UST: variants seen among roughly 807,000 people sequenced by gnomAD.
The protein encoded by UST is uronyl 2-sulfotransferase.
In UST, 21 loss-of-function variants were observed where a neutral mutation model predicts 45.6. The observed-to-expected ratio is 0.46, with a 90% CI of 0.33 to 0.66. UST has a LOEUF of 0.66. Among genes scored for constraint, UST ranks in the 30% least tolerant of loss-of-function variants. The pLI is 0.02. For missense variants in UST, 463 were observed against 512.4 expected (o/e 0.90, Z 0.93); for synonymous variants, 215 against 200.6 (o/e 1.07, Z -0.61).
At chr6:148,951,861 T>A (rs1423500289) in intron 3 of UST, among the ~76,000 whole-genome samples, 7 of 152,258 alleles carry the variant, frequency 4.6e-5, no homozygotes, top group Admixed American at 2.6e-4. Flanking sequence ...AATCCATTTT[T>A]TTCCTCCTGA....
intron 1 of UST, among the ~76,000 whole-genome samples, chr6:148,883,707 A>G (rs573218152): frequency 5.3e-5 from 8 of 152,344 alleles, no homozygotes; most frequent in Non-Finnish European, 1.0e-4. Context: ...ATGACCCAGT[A>G]TCATACAGAT....
chr6:148,999,674 C>T (rs533273875), intron 5 of UST, among the ~76,000 whole-genome samples: 16 of 139,962 alleles, frequency 1.1e-4, no homozygotes, highest in African/African-American at 3.9e-4. Context: ...AAAATGATTA[C>T]GTTTCTCTAA....
chr6:149,005,448 A>G, intron 5 of UST: 1 of 985,476 alleles, frequency 1.0e-6, no homozygotes, highest in Non-Finnish European at 1.2e-6. Flanking sequence ...ATGCAACCTC[A>G]GCAGTGTCTC....
intron 2 of UST, among the ~76,000 whole-genome samples, chr6:148,930,038 T>C (rs1028496848): frequency 2.0e-5 from 3 of 152,058 alleles, no homozygotes; most frequent in Non-Finnish European, 2.9e-5. Context: ...AAAGGGAAAA[T>C]GGCTATCCCT....
intron 1 of UST, among the ~76,000 whole-genome samples, chr6:148,781,505 C>G (rs1421444043): frequency 2.0e-5 from 3 of 152,222 alleles, no homozygotes; most frequent in Non-Finnish European, 4.4e-5. Context: ...GTTTCTGGAA[C>G]ATAAAAGTGC....
At chr6:148,851,580 C>T (rs1471633504) in intron 1 of UST, among the ~76,000 whole-genome samples, 1 of 152,198 alleles carries the variant, frequency 6.6e-6, no homozygotes, top group East Asian at 1.9e-4. Context: ...TTTAACTATG[C>T]TAAGCAGACT....
intron 1 of UST, among the ~76,000 whole-genome samples, chr6:148,785,289 G>T (rs1184780612): frequency 6.6e-6 from 1 of 151,664 alleles, no homozygotes; most frequent in African/African-American, 2.4e-5. Flanking sequence ...TTCATGTTAT[G>T]TATCAAGAGG....
chr6:148,778,355 AT>A (rs974810831), intron 1 of UST, among the ~76,000 whole-genome samples: 2 of 152,006 alleles, frequency 1.3e-5, no homozygotes, highest in Non-Finnish European at 2.9e-5. Flanking sequence ...CCTATTAGAG[AT>A]TTTTTTCTTG....
At chr6:148,846,020 C>A (rs11155601) in intron 1 of UST, among the ~76,000 whole-genome samples, 31,015 of 116,862 alleles carry the variant, frequency 0.27, 5,280 homozygotes, top group East Asian at 0.79. Context: ...TAGTTCAACC[C>A]TTGTGGAAGT....
chr6:148,954,037 G>T, intron 4 of UST, 86 bp downstream of exon 4: 1 of 1,038,580 alleles, frequency 9.6e-7, no homozygotes, highest in Non-Finnish European at 1.4e-6. Context: ...ACAAGGCAGT[G>T]CAATTGCCCT....
chr6:149,052,716 G>A (rs1444357835), intron 7 of UST, among the ~76,000 whole-genome samples: 1 of 152,178 alleles, frequency 6.6e-6, no homozygotes, highest in East Asian at 1.9e-4. Context: ...CAAGAACACA[G>A]TGTTTCTGGA....
intron 1 of UST, among the ~76,000 whole-genome samples, chr6:148,871,115 TCC>T (rs1491434450): frequency 1.1e-4 from 15 of 141,572 alleles, no homozygotes; most frequent in African/African-American, 4.1e-4. Flanking sequence ...AAGCATTCTC[TCC>T]CTCTCTCTCT....
chr6:149,021,328 C>G lies in UST; in HGVS notation c.784C>G (p.Pro262Ala). The change falls in exon 7 of 8, where the codon CCT (proline) becomes GCT (alanine). Residue 262 changes from proline (P) to alanine (A), a missense_variant. Around this residue, in one of 2 missense-constraint regions of UST, gnomAD observed 287 missense variants for 374.2 expected, o/e 0.77. Coordinates refer to ENST00000367463, the MANE Select transcript of UST (RefSeq NM_005715.3). Reference protein sequence around the residue: ...FCGQHPRCREPGEWALERAKL... With the variant: ...FCGQHPRCREAGEWALERAKL... ...TAAATTTTTATATCCATAAAGGGAG[C>G]CTGGTGAATGGGCCCTTGAGAGAGC... 1.2e-6 allele frequency: 2 copies of G among 1,610,534 alleles called. No homozygotes were observed. The highest frequency in any genetic ancestry group is 8.5e-7 in the Non-Finnish European group (1 of 1,178,168).
intron 5 of UST, among the ~76,000 whole-genome samples, chr6:148,996,460 C>T (rs892912120): frequency 1.9e-4 from 29 of 152,232 alleles, no homozygotes; most frequent in Admixed American, 9.2e-4. Flanking sequence ...CTCAGGTGAT[C>T]TGCCTGCCCC....
intron 1 of UST, among the ~76,000 whole-genome samples, chr6:148,788,220 C>T (rs1219824221): frequency 1.3e-5 from 2 of 152,046 alleles, no homozygotes; most frequent in Non-Finnish European, 2.9e-5. Context: ...AGAGAAACTG[C>T]CCCCCAAGAT....
At position 149,014,141 on chromosome 6, in the gene UST, G is replaced by A. The variant is rs142105792; in HGVS notation, c.682-4998G>A. ...GAAGGAGGCAGGGCTGTGAAAATTC[G>A]CTGACAGGGAGGGAGTAGGAGGTGT... is the stretch of plus-strand genomic sequence containing the variant. On this transcript the variant is annotated intron_variant, in intron 5 of 7. Transcript: ENST00000367463. Among the ~76,000 whole-genome samples, 873 of 152,336 alleles carry A rather than the reference G, an allele frequency of 5.7e-3. 9 individuals are homozygous for A. The highest frequency in any genetic ancestry group is 0.02 in the African/African-American group (828 of 41,582).
intron 5 of UST, among the ~76,000 whole-genome samples, chr6:148,983,126 C>T (rs1781169873): frequency 6.6e-6 from 1 of 152,214 alleles, no homozygotes; most frequent in East Asian, 1.9e-4. Flanking sequence ...ACCAAGTTTT[C>T]AAAGGGCTTT....
chr6:148,898,789 A>G (rs1779186545), intron 2 of UST, among the ~76,000 whole-genome samples: 1 of 152,206 alleles, frequency 6.6e-6, no homozygotes, highest in Non-Finnish European at 1.5e-5. Flanking sequence ...CCCAGGGGCC[A>G]GTTATCATTG....
chr6:149,067,898 C>T (rs1776765400), intron 7 of UST, among the ~76,000 whole-genome samples: 1 of 152,060 alleles, frequency 6.6e-6, no homozygotes, highest in Non-Finnish European at 1.5e-5. Flanking sequence ...ACTGGAAACA[C>T]AAAATTACAA....
Sources: gnomAD v4.1 joint callset for allele counts (sites outside exome capture counted in the v4.1 genomes callset) on GRCh38, gnomAD v4.1.1 for gene constraint, gnomAD v4.1.1 regional missense constraint, MANE v1.5 for transcripts, NCBI Gene and HGNC (gene_info 2026-07-23, HGNC 2026-07-21) for gene names.